Variants in VPS13D observed in about 807,000 individuals in gnomAD.
VPS13D encodes the protein vacuolar protein sorting 13 homolog D, also known as intermembrane lipid transfer protein VPS13D.
VPS13D carries 187 observed loss-of-function variants against 461.9 expected under a neutral mutation model. The ratio of observed to expected loss-of-function variants is 0.40; its 90% CI spans 0.36 to 0.46. The LOEUF (loss-of-function observed/expected upper bound fraction) is 0.46, where lower values mean the gene tolerates loss of function less well. Ranked by LOEUF, VPS13D falls within the 20% of genes least tolerant of loss-of-function variation. The pLI is 0.60. For missense variants in VPS13D, 4,711 were observed against 5,364.9 expected, an observed-to-expected ratio of 0.88 and a Z score of 3.81; for synonymous variants, 1,951 against 1,986.3, an observed-to-expected ratio of 0.98 and a Z score of 0.47.
At chr1:12,345,200 G>A (rs745713792) in intron 42 of VPS13D, among the ~76,000 whole-genome samples, 174 bp from the exon 43 acceptor site, 21 of 152,220 alleles carry the variant, frequency 1.4e-4, no homozygotes, top group Non-Finnish European at 2.6e-4. Context: ...TGTTGTAAGT[G>A]TAAAACCCAG....
chr1:12,247,974 G>A (rs951280690), intron 5 of VPS13D, among the ~76,000 whole-genome samples: 1 of 150,326 alleles, frequency 6.7e-6, no homozygotes, highest in South Asian at 2.1e-4. Flanking sequence ...TGCAAACTCC[G>A]CCTCCCGGGT....
rs548702288 is a variant in VPS13D, at chr1:12,451,550, A to G, written c.12334-4448A>G. 2.1e-3 allele frequency among the ~76,000 whole-genome samples: 322 copies of G among 152,342 alleles called. 1 individual carries two copies. The highest frequency in any genetic ancestry group is 2.5e-3 in the Non-Finnish European group (167 of 68,030). On this transcript the variant is annotated intron_variant, in intron 65 of 69. Coordinates refer to ENST00000620676, the MANE Select transcript of VPS13D (RefSeq NM_015378.4). ...GCCTTAAGTATTTTGTGGACTTGAGATTGCTACAAAATGAGGTAGGCAGAC... is the reference window on the plus strand; with the variant it reads ...GCCTTAAGTATTTTGTGGACTTGAGGTTGCTACAAAATGAGGTAGGCAGAC...
chr1:12,330,622 C>T (rs1012820980), intron 37 of VPS13D, among the ~76,000 whole-genome samples: 12 of 152,056 alleles, frequency 7.9e-5, no homozygotes, highest in Non-Finnish European at 1.8e-4. Flanking sequence ...GGCTGGAGTG[C>T]AGTGGCACGA....
intron 61 of VPS13D, among the ~76,000 whole-genome samples, chr1:12,400,960 GCGCACACACACACACACACA>G (rs1239771862): frequency 0.012 from 1,564 of 131,030 alleles, 28 homozygotes; most frequent in African/African-American, 0.044. Context: ...ACCTGCGCGC[GCGCACACACACACACACACA>G]CACACACACA....
At chr1:12,281,584 G>A (rs1383436227) in intron 20 of VPS13D, among the ~76,000 whole-genome samples, 6 of 152,128 alleles carry the variant, frequency 3.9e-5, no homozygotes, top group Non-Finnish European at 8.8e-5. Context: ...CTTCAGGTAG[G>A]TGGTGCTGTA....
chr1:12,273,951 AT>A (rs1290296041), intron 18 of VPS13D, among the ~76,000 whole-genome samples: 2 of 152,162 alleles, frequency 1.3e-5, no homozygotes, highest in Non-Finnish European at 2.9e-5. Flanking sequence ...CAATGTAGAC[AT>A]ATATTTTTAA....
At chr1:12,288,916 A>G (rs938992335) in intron 22 of VPS13D, among the ~76,000 whole-genome samples, 1 of 152,196 alleles carries the variant, frequency 6.6e-6, no homozygotes. Flanking sequence ...GTCTTGGCTC[A>G]CTGCAGCCTC....
At chr1:12,330,616 G>A (rs1184291552) in intron 37 of VPS13D, among the ~76,000 whole-genome samples, 2 of 152,064 alleles carry the variant, frequency 1.3e-5, no homozygotes, top group African/African-American at 4.8e-5. Flanking sequence ...CACCCAGGCT[G>A]GAGTGCAGTG....
At chr1:12,474,328 C>T (rs1042847332) in intron 67 of VPS13D, among the ~76,000 whole-genome samples, 22 of 152,234 alleles carry the variant, frequency 1.4e-4, no homozygotes, top group Admixed American at 3.3e-4. Flanking sequence ...ATTTTCCAGA[C>T]GCATGACAGT....
intron 65 of VPS13D, among the ~76,000 whole-genome samples, chr1:12,437,775 G>T (rs533022990): frequency 6.6e-6 from 1 of 152,284 alleles, no homozygotes; most frequent in Admixed American, 6.5e-5. Flanking sequence ...TTCTGCAATT[G>T]TTTAGACTAA....
intron 67 of VPS13D, among the ~76,000 whole-genome samples, chr1:12,494,392 G>A (rs764791658): frequency 8.5e-5 from 13 of 152,192 alleles, no homozygotes; most frequent in Non-Finnish European, 1.6e-4. Context: ...CCTGGGTAAG[G>A]CTCTGAGGGA....
chr1:12,449,364 CT>C (rs755906484), intron 65 of VPS13D, among the ~76,000 whole-genome samples: 1 of 151,698 alleles, frequency 6.6e-6, no homozygotes, highest in African/African-American at 2.4e-5. Context: ...GAAATGCTTC[CT>C]TCTTGCCAAA....
At chr1:12,384,481 G>A (rs915455458) in intron 58 of VPS13D, among the ~76,000 whole-genome samples, 1 of 152,186 alleles carries the variant, frequency 6.6e-6, no homozygotes. Flanking sequence ...CTATGGCTCT[G>A]AAACCCAGGG....
intron 50 of VPS13D, among the ~76,000 whole-genome samples, chr1:12,360,758 A>T (rs960263782): frequency 2.0e-5 from 3 of 152,208 alleles, no homozygotes; most frequent in African/African-American, 7.2e-5. Flanking sequence ...TCAGTCTTTC[A>T]GGTATTTTCA....
rs1486573072 is a variant in VPS13D at position 12,244,603 on chromosome 1, G to T, written c.433G>T (p.Val145Leu). 5 of 1,614,068 alleles carry T rather than the reference G, an allele frequency of 3.1e-6. No individual in the cohort carries two copies. The highest frequency in any genetic ancestry group is 4.2e-6 in the Non-Finnish European group (5 of 1,179,990). Residue 145 changes from valine (V) to leucine (L), a missense_variant, in exon 5 of 70, where the codon GTG becomes TTG. Val to Leu is a conservative substitution (Grantham distance 32, BLOSUM62 1). Around this residue, in one of 3 missense-constraint regions of VPS13D, gnomAD observed 4,411 missense variants for 4,937.8 expected, o/e 0.89. Transcript: ENST00000620676. Reference sequence around the variant, plus strand: ...TACCGCCTCCGTAGTTACAAGGATTGTGGAGAATATTGAAGTAAGTCCTGC... The same window carrying T: ...TACCGCCTCCGTAGTTACAAGGATTTTGGAGAATATTGAAGTAAGTCCTGC... ...SVTASVVTRI[V>L]ENIELKIQDV...
chr1:12,412,928 T>C (rs1299982272), intron 63 of VPS13D, among the ~76,000 whole-genome samples: 1 of 152,126 alleles, frequency 6.6e-6, no homozygotes, highest in Admixed American at 6.5e-5. Flanking sequence ...ATACAGAATA[T>C]ATAAGAACTC....
At chr1:12,327,900 C>T (rs762239329) in intron 36 of VPS13D, 46 bp downstream of exon 36, 10 of 1,558,066 alleles carry the variant, frequency 6.4e-6, no homozygotes, top group Middle Eastern at 2.0e-4. Context: ...TATTTCCAGT[C>T]ATTGCTGAAT....
chr1:12,378,294 T>A (rs1003810384), intron 55 of VPS13D, 134 bp from the exon 56 acceptor site: 1 of 723,624 alleles, frequency 1.4e-6, no homozygotes, highest in African/African-American at 1.8e-5. Context: ...TAAGCATTTA[T>A]ATAATGTGGA....
At chr1:12,333,687 C>T (rs1038341045) in intron 38 of VPS13D, among the ~76,000 whole-genome samples, 1 of 152,230 alleles carries the variant, frequency 6.6e-6, no homozygotes, top group Non-Finnish European at 1.5e-5. Context: ...TTTAGATTAA[C>T]TTTGCTCAAG....
Sources: gnomAD v4.1 joint callset for allele counts (sites outside exome capture counted in the v4.1 genomes callset) on GRCh38, gnomAD v4.1.1 for gene constraint, gnomAD v4.1.1 regional missense constraint, MANE v1.5 for transcripts, NCBI Gene and HGNC (gene_info 2026-07-23, HGNC 2026-07-21) for gene names.